Variants in CDC42EP3 observed in about 807,000 individuals in gnomAD.
CDC42EP3 encodes CDC42 effector protein 3.
Under a neutral mutation model 15.5 loss-of-function variants are expected in CDC42EP3, and 4 were observed. The observed-to-expected ratio is 0.26, with a 90% confidence interval of 0.13 to 0.59. The LOEUF (loss-of-function observed/expected upper bound fraction) is 0.59. Ranked by LOEUF, CDC42EP3 falls within the 20% of genes least tolerant of loss-of-function variation. CDC42EP3 has a pLI of 0.89. For synonymous variants in CDC42EP3, 145 were observed against 130.3 expected (o/e 1.11, Z -0.77); for missense variants, 309 against 311.2 (o/e 0.99, Z 0.05).
chr2:37,659,750 A>G (rs866464979), intron 1 of CDC42EP3, among the ~76,000 whole-genome samples: 1 of 152,252 alleles, frequency 6.6e-6, no homozygotes, highest in Non-Finnish European at 1.5e-5. Flanking sequence ...CCTAAAATGT[A>G]CAAGGAAACC....
chr2:37,647,904 T>A (rs1665528107), intron 1 of CDC42EP3, among the ~76,000 whole-genome samples: 1 of 152,134 alleles, frequency 6.6e-6, no homozygotes, highest in Non-Finnish European at 1.5e-5. Flanking sequence ...TTTCCCCAGT[T>A]GAGCCTCTGA....
At chr2:37,647,543 A>G (rs1665517457) in intron 1 of CDC42EP3, 1 of 152,244 alleles carries the variant, frequency 6.6e-6, no homozygotes, top group East Asian at 1.9e-4. Flanking sequence ...AAGAGAAAAC[A>G]TTGTGAATCT....
intron 1 of CDC42EP3, among the ~76,000 whole-genome samples, chr2:37,657,001 C>CCCCCCCCCCCCG (rs1208218676): frequency 4.8e-5 from 5 of 103,204 alleles, no homozygotes; most frequent in Non-Finnish European, 9.1e-5. Flanking sequence ...CCCCCCGCCC[C>CCCCCCCCCCCCG]CCGCCATCCT....
At chr2:37,667,175 T>C (rs1408098761) in intron 1 of CDC42EP3, among the ~76,000 whole-genome samples, 1 of 152,192 alleles carries the variant, frequency 6.6e-6, no homozygotes, top group Non-Finnish European at 1.5e-5. Context: ...GTGTTTCTTA[T>C]CTAGCAGGGC....
intron 1 of CDC42EP3, among the ~76,000 whole-genome samples, chr2:37,658,592 C>A (rs1665957271): frequency 6.6e-6 from 1 of 152,164 alleles, no homozygotes; most frequent in Non-Finnish European, 1.5e-5. Flanking sequence ...TCTTTCTTCC[C>A]CCTGCCTGCC....
intron 1 of CDC42EP3, among the ~76,000 whole-genome samples, chr2:37,650,914 C>T (rs1665653391): frequency 6.6e-6 from 1 of 152,166 alleles, no homozygotes; most frequent in African/African-American, 2.4e-5. Flanking sequence ...TCAGATTGCA[C>T]TTATAGGGAT....
intron 1 of CDC42EP3, chr2:37,647,762 T>A (rs748202176): frequency 9.9e-5 from 15 of 152,248 alleles, no homozygotes; most frequent in Admixed American, 3.9e-4. Flanking sequence ...TATAGGAGAT[T>A]TCATCTGAGC....
chr2:37,646,409 T>G lies in CDC42EP3; in HGVS notation c.179A>C (p.Gln60Pro). Residue 60 changes from glutamine to proline, a missense_variant, in exon 2 of 2, where the codon CAA becomes CCA. Gln to Pro is a moderately conservative substitution (Grantham distance 76). Coordinates refer to ENST00000295324, the MANE Select transcript of CDC42EP3 (RefSeq NM_006449.5). ...HDVFGDISFL[Q>P]GNYELLPGNQ... Reference sequence around the variant, plus strand: ...TCCAGGTAAAAGCTCGTAGTTCCCTTGAAGAAAGGAAATATCTCCAAAGAC... The same window carrying G: ...TCCAGGTAAAAGCTCGTAGTTCCCTGGAAGAAAGGAAATATCTCCAAAGAC... 6.2e-7 allele frequency: 1 copy of G among 1,614,084 alleles called. No individual in the cohort carries two copies. The highest frequency in any genetic ancestry group is 8.5e-7 in the Non-Finnish European group (1 of 1,180,006).
At chr2:37,665,461 CA>C (rs1666221059) in intron 1 of CDC42EP3, among the ~76,000 whole-genome samples, 1 of 152,228 alleles carries the variant, frequency 6.6e-6, no homozygotes, top group East Asian at 1.9e-4. Flanking sequence ...CTTGGCAAAA[CA>C]AAAGTTTAAA....
chr2:37,649,622 G>A (rs1331924344), intron 1 of CDC42EP3, among the ~76,000 whole-genome samples: 1 of 152,018 alleles, frequency 6.6e-6, no homozygotes, highest in Non-Finnish European at 1.5e-5. Context: ...GAGGGTGCAG[G>A]GGAGGGAGGG....
intron 1 of CDC42EP3, among the ~76,000 whole-genome samples, chr2:37,647,955 G>C (rs1280778064): frequency 2.0e-5 from 3 of 152,160 alleles, no homozygotes; most frequent in African/African-American, 7.2e-5. Flanking sequence ...ATAACTCAGG[G>C]AGATGCTGGA....
In CDC42EP3 at chr2:37,670,831, C is replaced by G. The variant is rs143546285; in HGVS notation, c.-236+595G>C. ...TCCATTCATCCTCACATGTCTGATA[C>G]TTGTCTGTGTCAAGCCACTTAGTTT... is the stretch of plus-strand genomic sequence containing the variant. On this transcript the variant is annotated intron_variant, in intron 1 of 1. Coordinates refer to ENST00000295324, the MANE Select transcript of CDC42EP3 (RefSeq NM_006449.5). 5.3e-3 allele frequency among the ~76,000 whole-genome samples: 809 copies of G among 152,230 alleles called. 9 individuals are homozygous for G. The highest frequency in any genetic ancestry group is 0.019 in the African/African-American group (770 of 41,540).
At chr2:37,659,857 C>G (rs566306285) in intron 1 of CDC42EP3, among the ~76,000 whole-genome samples, 5 of 152,160 alleles carry the variant, frequency 3.3e-5, no homozygotes, top group Non-Finnish European at 5.9e-5. Flanking sequence ...ATAAACCTAT[C>G]AAAACATTTG....
intron 1 of CDC42EP3, among the ~76,000 whole-genome samples, chr2:37,662,045 T>C (rs1282871737): frequency 6.6e-6 from 1 of 151,858 alleles, no homozygotes; most frequent in African/African-American, 2.4e-5. Flanking sequence ...TGTGATTCTA[T>C]TTGCAGAAAC....
upstream of CDC42EP3, chr2:37,672,621 C>T (rs1666470454): frequency 6.6e-6 from 1 of 152,266 alleles, no homozygotes; most frequent in Non-Finnish European, 1.5e-5. Context: ...CGGCCTCCGT[C>T]TCTTCCTCCT....
chr2:37,658,964 G>C (rs1299590361), intron 1 of CDC42EP3, among the ~76,000 whole-genome samples: 1 of 152,170 alleles, frequency 6.6e-6, no homozygotes, highest in Non-Finnish European at 1.5e-5. Flanking sequence ...TTGGAGATAA[G>C]ATAAAATAGC....
intron 1 of CDC42EP3, among the ~76,000 whole-genome samples, chr2:37,663,463 C>T (rs1364951599): frequency 1.3e-5 from 2 of 152,216 alleles, no homozygotes; most frequent in Non-Finnish European, 2.9e-5. Flanking sequence ...TCTAAGTGGA[C>T]ACATGGGTGC....
At chr2:37,666,862 C>T (rs775007274) in intron 1 of CDC42EP3, among the ~76,000 whole-genome samples, 5 of 149,952 alleles carry the variant, frequency 3.3e-5, no homozygotes, top group Non-Finnish European at 7.4e-5. Context: ...TGCTTTAGAA[C>T]TACATGGCTA....
chr2:37,666,356 G>A (rs1666249684), intron 1 of CDC42EP3, among the ~76,000 whole-genome samples: 3 of 152,140 alleles, frequency 2.0e-5, no homozygotes, highest in Non-Finnish European at 4.4e-5. Flanking sequence ...ATCAAACTGG[G>A]GTCCCACAGA....
Sources: gnomAD v4.1 joint callset for allele counts (sites outside exome capture counted in the v4.1 genomes callset) on GRCh38, gnomAD v4.1.1 for gene constraint, MANE v1.5 for transcripts, NCBI Gene and HGNC (gene_info 2026-07-23, HGNC 2026-07-21) for gene names.